Variants in DGKB observed in about 807,000 individuals in gnomAD.
DGKB encodes diacylglycerol kinase beta.
A neutral mutation model predicts 114.3 loss-of-function variants in DGKB; 67 were observed. That is an observed-to-expected ratio of 0.59 (90% CI 0.48 to 0.72). The LOEUF is 0.72. Among genes scored for constraint, DGKB ranks in the 30% least tolerant of loss-of-function variants. The probability of loss-of-function intolerance (pLI) is 0.00; values close to 1 mark genes in which losing one functional copy is unlikely to be tolerated. For missense variants in DGKB, 907 were observed against 975.2 expected, an observed-to-expected ratio of 0.93 and a Z score of 0.93; for synonymous variants, 398 against 323.1, an observed-to-expected ratio of 1.23 and a Z score of -2.49.
At chr7:14,867,241 G>A (rs1851826818) in intron 1 of DGKB, among the ~76,000 whole-genome samples, 1 of 152,046 alleles carries the variant, frequency 6.6e-6, no homozygotes, top group Admixed American at 6.6e-5. Context: ...ATGAAATTCA[G>A]TTTATCAATT....
intron 1 of DGKB, among the ~76,000 whole-genome samples, chr7:14,919,428 T>TATAC (rs1044513793): frequency 1.1e-4 from 16 of 152,294 alleles, no homozygotes; most frequent in African/African-American, 3.4e-4. Flanking sequence ...TATGCAAATG[T>TATAC]ATACATACAT....
At chr7:14,368,562 C>T (rs573045516) in intron 21 of DGKB, among the ~76,000 whole-genome samples, 5 of 138,296 alleles carry the variant, frequency 3.6e-5, no homozygotes, top group Admixed American at 1.5e-4. Flanking sequence ...CAGATGCAAA[C>T]GGTATTTTCT....
At chr7:14,340,998 A>T (rs61010396) in intron 22 of DGKB, among the ~76,000 whole-genome samples, 27,777 of 137,332 alleles carry the variant, frequency 0.2, 2,862 homozygotes, top group Non-Finnish European at 0.26. Context: ...TTTTTTTTTT[A>T]AAAAAAAGAA....
chr7:14,933,203 C>A (rs1004486480), intron 1 of DGKB, among the ~76,000 whole-genome samples: 1 of 152,192 alleles, frequency 6.6e-6, no homozygotes, highest in Non-Finnish European at 1.5e-5. Flanking sequence ...TAATCTACTA[C>A]TAAAACATCA....
chr7:14,416,151 A>G (rs1391245808), intron 21 of DGKB, among the ~76,000 whole-genome samples: 1 of 151,880 alleles, frequency 6.6e-6, no homozygotes, highest in African/African-American at 2.4e-5. Flanking sequence ...GTTTGAGTTC[A>G]TTGTAGATTC....
At chr7:14,488,638 C>G (rs1367071950) in intron 20 of DGKB, among the ~76,000 whole-genome samples, 1 of 148,186 alleles carries the variant, frequency 6.7e-6, no homozygotes, top group Non-Finnish European at 1.5e-5. Context: ...TGGTGAAGCC[C>G]CATTTCCACT....
intron 21 of DGKB, among the ~76,000 whole-genome samples, chr7:14,397,123 A>C (rs1021356841): frequency 1.3e-5 from 2 of 152,132 alleles, no homozygotes; most frequent in African/African-American, 4.8e-5. Context: ...GTTTTCTCGC[A>C]ATTTTACATA....
At chr7:14,282,416 C>A (rs1429465537) in intron 23 of DGKB, among the ~76,000 whole-genome samples, 1 of 143,594 alleles carries the variant, frequency 7.0e-6, no homozygotes, top group Non-Finnish European at 1.5e-5. Context: ...GATTCACAGC[C>A]GAATTCTACC....
chr7:14,574,435 A>G, intron 19 of DGKB, 63 bp from the exon 20 acceptor site: 1 of 1,436,186 alleles, frequency 7.0e-7, no homozygotes, highest in Non-Finnish European at 9.5e-7. Context: ...CTGTATTTTT[A>G]TGTTTCAGTG....
rs764139383 is a variant in DGKB, at chr7:14,694,220, T to C, written c.592-26A>G. 17 of 1,547,180 alleles carry C rather than the reference T, an allele frequency of 1.1e-5. No individual in the cohort carries two copies. The South Asian group carries it at 1.6e-4, about 14-fold the overall frequency. The stretch of plus-strand genomic sequence containing the variant: ...CTGGAGTAGAGGAGATAAGGGAAAA[T>C]TGGTGGTCAACCAATAAAATAAATT... On this transcript the variant is annotated intron_variant, in intron 8 of 25. Coordinates refer to ENST00000402815, the MANE Select transcript of DGKB (RefSeq NM_001350709.2).
intron 23 of DGKB, among the ~76,000 whole-genome samples, chr7:14,260,493 G>T (rs184923512): frequency 8.2e-4 from 125 of 152,220 alleles, no homozygotes; most frequent in African/African-American, 2.8e-3. Context: ...ACCTCAATAA[G>T]GCTGTTGTTC....
rs1046650380 is a variant in DGKB, at chr7:14,825,036, A to G, written c.70+16158T>C. ...TGTATGTATATATATATATATATAT[A>G]TATATATATATATATATATATCACA... On this transcript the variant is annotated intron_variant, in intron 2 of 25. Transcript: ENST00000402815. Among the ~76,000 whole-genome samples the G allele has an allele frequency of 5.9e-3, 839 of 142,544 alleles. 23 individuals are homozygous for G. The highest frequency in any genetic ancestry group is 0.019 in the African/African-American group (766 of 39,496). The allele number at this position is 142,544 out of a possible 152,430, so 93.5% of individuals were successfully genotyped here.
chr7:14,788,933 T>C (rs1409767000), intron 2 of DGKB, among the ~76,000 whole-genome samples: 1 of 151,990 alleles, frequency 6.6e-6, no homozygotes, highest in Non-Finnish European at 1.5e-5. Context: ...TCCCCAAAGG[T>C]GGGAGGCAGC....
At chr7:14,972,087 C>T (rs2115309869) in intron 1 of DGKB, among the ~76,000 whole-genome samples, 1 of 152,098 alleles carries the variant, frequency 6.6e-6, no homozygotes, top group African/African-American at 2.4e-5. Context: ...TATATTGCTA[C>T]AGAAAATAAT....
chr7:14,677,733 A>C (rs1820118103), intron 12 of DGKB, among the ~76,000 whole-genome samples: 2 of 152,016 alleles, frequency 1.3e-5, no homozygotes, highest in African/African-American at 4.8e-5. Flanking sequence ...GATATTAAGG[A>C]TGTTAGTAAT....
At chr7:14,498,343 A>T (rs767054146) in intron 20 of DGKB, among the ~76,000 whole-genome samples, 1 of 151,874 alleles carries the variant, frequency 6.6e-6, no homozygotes, top group Non-Finnish European at 1.5e-5. Flanking sequence ...ATACATTAAT[A>T]CAGTCAACTT....
At chr7:14,747,772 C>T (rs796070188) in intron 4 of DGKB, among the ~76,000 whole-genome samples, 4 of 98,058 alleles carry the variant, frequency 4.1e-5, no homozygotes, top group Admixed American at 3.4e-4. Flanking sequence ...AACACATCCA[C>T]GCGCACGCAC....
chr7:14,165,489 C>G (rs1350468985), intron 25 of DGKB, among the ~76,000 whole-genome samples: 1 of 152,074 alleles, frequency 6.6e-6, no homozygotes, highest in Non-Finnish European at 1.5e-5. Flanking sequence ...TGCTATAAAT[C>G]CTTTCTCATG....
At chr7:14,414,367 T>C (rs1825375339) in intron 21 of DGKB, among the ~76,000 whole-genome samples, 1 of 152,104 alleles carries the variant, frequency 6.6e-6, no homozygotes, top group Non-Finnish European at 1.5e-5. Context: ...ACTCCTGTGA[T>C]AGTAAGAAGG....
Sources: allele counts gnomAD v4.1 joint callset (sites outside exome capture counted in the v4.1 genomes callset), GRCh38; gene constraint gnomAD v4.1.1; transcripts MANE v1.5; gene names NCBI Gene and HGNC (gene_info 2026-07-23, HGNC 2026-07-21).